PARP14: variants seen among roughly 807,000 people sequenced by gnomAD.
The protein encoded by PARP14 is poly(ADP-ribose) polymerase family member 14.
Under a neutral mutation model 154.2 loss-of-function variants are expected in PARP14, and 59 were observed. The observed-to-expected ratio is 0.38, with a 90% confidence interval of 0.31 to 0.48. PARP14 has a LOEUF of 0.48. Ranked by LOEUF, PARP14 falls within the 20% of genes least tolerant of loss-of-function variation. The pLI is 0.98. For missense variants in PARP14, 1,734 were observed against 2,131.6 expected, an observed-to-expected ratio of 0.81 and a Z score of 3.67; for synonymous variants, 720 against 780.5, an observed-to-expected ratio of 0.92 and a Z score of 1.29.
chr3:122,704,618 T>C lies in PARP14; in HGVS notation c.3410T>C (p.Leu1137Ser). The C allele has an allele frequency of 6.2e-7, 1 of 1,605,922 alleles. No homozygotes were observed. Among genetic ancestry groups the C allele is most frequent in the Non-Finnish European group, 8.5e-7 (1 of 1,175,112 alleles). Residue 1137 changes from leucine (L) to serine (S), a missense_variant, in exon 8 of 17, where the codon TTG (leucine) becomes TCG (serine). Transcript: ENST00000474629. ...TTTCCAGCAATAGGAACAGGAAACT[T>C]GGGATTTCCTAAAAACATATTCGCT... is the stretch of plus-strand genomic sequence containing the variant. ...IAFPAIGTGN[L>S]GFPKNIFAEL... is the part of the protein sequence containing the mutation.
chr3:122,691,274 G>A (rs534834424), intron 3 of PARP14, among the ~76,000 whole-genome samples: 1 of 152,212 alleles, frequency 6.6e-6, no homozygotes. Flanking sequence ...TCTTGAACAC[G>A]ATAAGAGTCC....
At position 122,718,689 on chromosome 3, in the gene PARP14, C is replaced by T. The variant is rs61732767; in HGVS notation, c.4538C>T (p.Ala1513Val). The T allele has an allele frequency of 1.4e-3, 2,221 of 1,613,554 alleles. 29 individuals are homozygous for T. The African/African-American group carries it at 0.023, about 17-fold the overall frequency. Residue 1513 changes from alanine (A) to valine (V), a missense_variant, in exon 14 of 17, where the codon GCG becomes GTG. By Grantham distance (64) the Ala-to-Val change is moderately conservative. This residue lies in a region of PARP14 where 1,646 missense variants were observed against 1,976.0 expected (regional missense o/e 0.83). Transcript: ENST00000474629. The stretch of plus-strand genomic sequence containing the variant: ...ATGCAGGCTAGAGATGAAATTGAGG[C>T]GATGATCAAGAGAGTTCGATTGGCC... The part of the protein sequence containing the change: ...DVMQARDEIE[A>V]MIKRVRLAKE...
intron 9 of PARP14, among the ~76,000 whole-genome samples, chr3:122,710,569 AT>A (rs555382251): frequency 6.6e-6 from 1 of 151,176 alleles, no homozygotes; most frequent in African/African-American, 2.4e-5. Context: ...GAATTTTAGG[AT>A]TTTTTTTCTA....
chr3:122,702,374 G>A (rs1350876070), intron 6 of PARP14, among the ~76,000 whole-genome samples: 12 of 151,978 alleles, frequency 7.9e-5, no homozygotes, highest in Non-Finnish European at 1.6e-4. Context: ...ATGCCACCAC[G>A]CCTGGCTAAT....
In PARP14 at chr3:122,708,192, A is replaced by G. The variant is rs952391136; in HGVS notation, c.3543A>G (p.Ala1181=). ...TCAACGCTGTGTTTATATTTCAGGC[A>G]TTTTCAGATGAATTTGCCAGAAGGG... ...LHPSDHENIQ[A]FSDEFARRAN... Residue 1181 remains alanine (A), a splice_region_variant and synonymous_variant, in exon 9 of 17, where the codon GCA becomes GCG. Coordinates refer to ENST00000474629, the MANE Select transcript of PARP14 (RefSeq NM_017554.3). The G allele has an allele frequency of 1.3e-6, 2 of 1,539,592 alleles. No homozygotes were observed. Among genetic ancestry groups the G allele is most frequent in the Non-Finnish European group, 1.8e-6 (2 of 1,129,474 alleles).
At position 122,686,705 on chromosome 3, in the gene PARP14, G is replaced by A. The variant is rs570030814; in HGVS notation, c.322-375G>A. The stretch of plus-strand genomic sequence containing the variant: ...TGGCCTTGAACTCCTGGCCTCAAGC[G>A]ATCCTCCCACACTGGCCTCCCAAAA... On this transcript the variant is annotated intron_variant, in intron 2 of 16. Coordinates refer to ENST00000474629, the MANE Select transcript of PARP14 (RefSeq NM_017554.3). 8 of 170,762 alleles carry A rather than the reference G, an allele frequency of 4.7e-5. No individual in the cohort carries two copies. The East Asian group carries it at 6.8e-4, about 15-fold the overall frequency. 10.6% of individuals were successfully genotyped at this position (170,762 alleles called of 1,614,324 possible).
At chr3:122,714,028 C>T (rs1932924126) in intron 11 of PARP14, 94 bp downstream of exon 11, 1 of 933,040 alleles carries the variant, frequency 1.1e-6, no homozygotes, top group South Asian at 1.4e-5. Flanking sequence ...AGACAACACT[C>T]TAATTTTAAA....
chr3:122,716,757 C>T lies in PARP14; in HGVS notation c.4001-1314C>T, dbSNP rs2107652739. ...CTGGGCTCCCCGCTCCATGCTTCCT[C>T]CATACCCCTCCAGACTTAACTTCCT... On this transcript the variant is annotated intron_variant, in intron 12 of 16. Transcript: ENST00000474629. 1.3e-5 allele frequency among the ~76,000 whole-genome samples: 2 copies of T among 152,346 alleles called. 1 individual carries two copies. Among genetic ancestry groups the T allele is most frequent in the East Asian group, 3.9e-4 (2 of 5,190 alleles).
chr3:122,685,381 TCA>T lies in PARP14; in HGVS notation c.321+65_321+66del, dbSNP rs1938339888. 3 of 1,454,202 alleles carry T rather than the reference TCA, an allele frequency of 2.1e-6. No homozygotes were observed. The East Asian group carries it at 6.8e-5, about 33-fold the overall frequency. 90.1% of individuals were successfully genotyped at this position (1,454,202 alleles called of 1,614,324 possible). On this transcript the variant is annotated intron_variant, in intron 2 of 16. Transcript: ENST00000474629. ...TCTCCCAAGGTGTGTGAGATGGGAA[TCA>T]CCATGAAGAAAATATAGTGGAAAGA...
rs1560061113 is a variant in PARP14, at chr3:122,700,274, A to G, written c.1720A>G (p.Thr574Ala). The G allele has an allele frequency of 6.2e-7, 1 of 1,613,096 alleles. No individual in the cohort carries two copies. Residue 574 changes from threonine (T) to alanine (A), a missense_variant, in exon 6 of 17, where the codon ACT becomes GCT. Physicochemically the swap from Thr to Ala is moderately conservative, Grantham distance 58. Coordinates refer to ENST00000474629, the MANE Select transcript of PARP14 (RefSeq NM_017554.3). ...TGCACTTTATGAGCTAGAGGGTACA[A>G]CTGTTCTCTTAACCAGCTGTTCTTC... ...ILALYELEGT[T>A]VLLTSCSSEA...
chr3:122,697,504 C>A (rs1332585949), intron 5 of PARP14, among the ~76,000 whole-genome samples: 1 of 152,200 alleles, frequency 6.6e-6, no homozygotes, highest in African/African-American at 2.4e-5. Flanking sequence ...TCCAAATCTC[C>A]TGTTCACCTA....
rs1394458970 is a variant in PARP14, at chr3:122,718,152, A to C, written c.4082A>C (p.Gln1361Pro). ...GACTTTGTCCAGAAAGGATCAGCCC[A>C]GTCTGTGAAAAAAGTTAAAGTTGTT... Reference protein sequence around the residue: ...IEDFVQKGSAQSVKKVKVVIF... With the variant: ...IEDFVQKGSAPSVKKVKVVIF... The change falls in exon 13 of 17, where the codon CAG (glutamine) becomes CCG (proline). Residue 1361 changes from glutamine (Q) to proline (P), a missense_variant. Gln to Pro is a moderately conservative substitution (Grantham distance 76). Around this residue, in one of 2 missense-constraint regions of PARP14, gnomAD observed 1,646 missense variants for 1,976.0 expected, o/e 0.83. Coordinates refer to ENST00000474629, the MANE Select transcript of PARP14 (RefSeq NM_017554.3). 1 of 1,613,812 alleles carries C rather than the reference A, an allele frequency of 6.2e-7. No individual in the cohort carries two copies.
chr3:122,728,006 G>C lies in PARP14; in HGVS notation c.5116+20G>C, dbSNP rs1933333506. On this transcript the variant is annotated intron_variant, in intron 16 of 16. Coordinates refer to ENST00000474629, the MANE Select transcript of PARP14 (RefSeq NM_017554.3). ...AGAATGGTAAGGAAGCGAGTAATCTGGCTGCTTGGAATGAGGCATCAGCCA... is the reference window on the plus strand; with the variant it reads ...AGAATGGTAAGGAAGCGAGTAATCTCGCTGCTTGGAATGAGGCATCAGCCA... The C allele has an allele frequency of 6.3e-7, 1 of 1,597,548 alleles. No homozygotes were observed. Among genetic ancestry groups the C allele is most frequent in the Non-Finnish European group, 8.5e-7 (1 of 1,170,348 alleles).
At chr3:122,725,411 C>T (rs1330309907) in intron 15 of PARP14, among the ~76,000 whole-genome samples, 1 of 151,788 alleles carries the variant, frequency 6.6e-6, no homozygotes, top group Non-Finnish European at 1.5e-5. Context: ...ACCTCCCAGA[C>T]AGGGCGGCCG....
rs1938967124 is a variant in PARP14 at position 122,701,335 on chromosome 3, C to T, written c.2781C>T (p.Gly927=). 1 of 1,613,958 alleles carries T rather than the reference C, an allele frequency of 6.2e-7. No homozygotes were observed. Among genetic ancestry groups the T allele is most frequent in the Admixed American group, 1.7e-5 (1 of 60,010 alleles). ...AIPAISSGVF[G]FPLGRCVETI... ...CAGCTATTAGTTCTGGAGTCTTTGG[C>T]TTTCCCTTAGGCCGATGCGTGGAGA... Residue 927 remains glycine, a synonymous_variant, in exon 6 of 17, where the codon GGC becomes GGT. Coordinates refer to ENST00000474629, the MANE Select transcript of PARP14 (RefSeq NM_017554.3). The surrounding 1 kb of genome is among the most constrained non-coding windows in gnomAD (Gnocchi z 4.0).
At chr3:122,719,037 A>T (rs1326776217) in intron 14 of PARP14, 79 bp downstream of exon 14, 25 of 1,329,684 alleles carry the variant, frequency 1.9e-5, no homozygotes, top group Middle Eastern at 1.9e-4. Flanking sequence ...GTACATCAGA[A>T]TTTCAAATTG....
chr3:122,708,213 A>G lies in PARP14; in HGVS notation c.3564A>G (p.Arg1188=). 6.4e-7 allele frequency: 1 copy of G among 1,570,580 alleles called. No individual in the cohort carries two copies. The highest frequency in any genetic ancestry group is 2.3e-5 in the East Asian group (1 of 43,642). Reference sequence around the variant, plus strand: ...AGGCATTTTCAGATGAATTTGCCAGAAGGGCTAATGGAAATCTCGTCAGTG... The same window carrying G: ...AGGCATTTTCAGATGAATTTGCCAGGAGGGCTAATGGAAATCTCGTCAGTG... The part of the protein sequence containing the change: ...NIQAFSDEFA[R]RANGNLVSDK... The change falls in exon 9 of 17, where the codon AGA becomes AGG. Residue 1188 remains arginine, a synonymous_variant. Transcript: ENST00000474629.
At chr3:122,697,172 T>TG (rs1938805529) in intron 5 of PARP14, among the ~76,000 whole-genome samples, 10 of 152,280 alleles carry the variant, frequency 6.6e-5, no homozygotes, top group African/African-American at 1.9e-4. Context: ...CAGTCTGGTC[T>TG]TGAACTCCTG....
rs546791836 is a variant in PARP14, at chr3:122,722,991, AG to A, written c.4941+2604del. Among the ~76,000 whole-genome samples, 23 of 149,968 alleles carry A rather than the reference AG, an allele frequency of 1.5e-4. No homozygotes were observed. The East Asian group carries it at 4.5e-3, about 29-fold the overall frequency. On this transcript the variant is annotated intron_variant, in intron 15 of 16. Coordinates refer to ENST00000474629, the MANE Select transcript of PARP14 (RefSeq NM_017554.3). Reference sequence around the variant, plus strand: ...TGCTCTTTCACCCAGGCTGGAGTGCAGTGGCGCGATCTTGGCTCACTGCAAC... The same window carrying A: ...TGCTCTTTCACCCAGGCTGGAGTGCATGGCGCGATCTTGGCTCACTGCAAC...
Sources: allele counts gnomAD v4.1 joint callset (sites outside exome capture counted in the v4.1 genomes callset), GRCh38; gene constraint gnomAD v4.1.1; regional missense constraint gnomAD v4.1.1; non-coding constraint Gnocchi (gnomAD v3.1); transcripts MANE v1.5; gene names NCBI Gene and HGNC (gene_info 2026-07-23, HGNC 2026-07-21).